Variants in ZNF83 observed in about 807,000 individuals in gnomAD.
The protein encoded by ZNF83 is zinc finger protein 816B.
For missense variants in ZNF83, 552 were observed against 629.9 expected, an observed-to-expected ratio of 0.88 and a Z score of 1.32; for synonymous variants, 209 against 213.0, an observed-to-expected ratio of 0.98 and a Z score of 0.17.
In ZNF83 at chr19:52,622,340, G is replaced by T. The variant is rs555601280; in HGVS notation, c.-233-7543C>A. On this transcript the variant is annotated intron_variant, in intron 2 of 2. Transcript: ENST00000301096. ...CCACTAAATATATACAGGAATTCCA[G>T]TATTTAATCCAATACTACAACTTAA... Among the ~76,000 whole-genome samples, 3 of 152,256 alleles carry T rather than the reference G, an allele frequency of 2.0e-5. No homozygotes were observed. In the East Asian group the frequency reaches 5.8e-4, roughly 29 times the overall value.
chr19:52,630,255 T>G (rs1299684989), intron 2 of ZNF83, among the ~76,000 whole-genome samples: 1 of 152,206 alleles, frequency 6.6e-6, no homozygotes, highest in African/African-American at 2.4e-5. Context: ...AGACTGACAC[T>G]GCCCGATCGC....
chr19:52,668,433 A>G (rs1223922269), intron 1 of ZNF83, among the ~76,000 whole-genome samples: 2 of 152,090 alleles, frequency 1.3e-5, no homozygotes, highest in Admixed American at 1.3e-4. Context: ...ATCCATTACT[A>G]TTCCTACCAC....
chr19:52,618,629 T>C (rs1600144160), intron 2 of ZNF83: 2 of 388,474 alleles, frequency 5.1e-6, no homozygotes, highest in Non-Finnish European at 9.1e-6. Context: ...ACTCCTGACC[T>C]GAAGTGATCC....
chr19:52,613,385 T>C, exon 3 of ZNF83: 1 of 1,613,666 alleles, frequency 6.2e-7, no homozygotes, highest in Non-Finnish European at 8.5e-7. Context: ...CCAGTATGGA[T>C]TCTGTGATGT....
chr19:52,653,170 C>T (rs1043268163), intron 3 of ZNF83: 1 of 1,496,118 alleles, frequency 6.7e-7, no homozygotes, highest in African/African-American at 1.4e-5. Flanking sequence ...GGTATGAAGT[C>T]TACGATGGCC....
chr19:52,642,284 T>C (rs2061317506), upstream of ZNF83, among the ~76,000 whole-genome samples: 4 of 142,904 alleles, frequency 2.8e-5, no homozygotes, highest in Admixed American at 2.8e-4. Context: ...TTTTTTTTTT[T>C]TTTTTTGAGA....
intron 1 of ZNF83, among the ~76,000 whole-genome samples, chr19:52,674,853 C>T (rs144479202): frequency 0.012 from 1,795 of 152,256 alleles, 27 homozygotes; most frequent in Middle Eastern, 0.037. Flanking sequence ...TTTAACACAA[C>T]GCCCATACAA....
chr19:52,637,034 G>GTT (rs2061171131), intron 1 of ZNF83: 1 of 151,998 alleles, frequency 6.6e-6, no homozygotes, highest in African/African-American at 2.4e-5. Context: ...TCTAGCTCTT[G>GTT]TTTTCTTTTC....
intron 2 of ZNF83, among the ~76,000 whole-genome samples, chr19:52,620,176 CAGATTTTCAAAATACAAA>C (rs1455061171): frequency 6.6e-6 from 1 of 151,998 alleles, no homozygotes; most frequent in Non-Finnish European, 1.5e-5. Context: ...TCATTTTCCC[CAGATTTTCAAAATACAAA>C]AGATTTTCAA....
At chr19:52,688,966 A>C (rs2062096052) in intron 1 of ZNF83, among the ~76,000 whole-genome samples, 1 of 151,340 alleles carries the variant, frequency 6.6e-6, no homozygotes, top group African/African-American at 2.4e-5. Context: ...AAAAAAAAAA[A>C]AAAAAAGAGA....
At chr19:52,619,816 G>A (rs2060467102) in intron 2 of ZNF83, among the ~76,000 whole-genome samples, 1 of 152,120 alleles carries the variant, frequency 6.6e-6, no homozygotes, top group Non-Finnish European at 1.5e-5. Flanking sequence ...GATCCTGGGA[G>A]GCAGAGGTTG....
chr19:52,665,781 C>G (rs1057233940), intron 1 of ZNF83, among the ~76,000 whole-genome samples: 4 of 152,108 alleles, frequency 2.6e-5, no homozygotes, highest in Non-Finnish European at 4.4e-5. Context: ...GGGCCTCATG[C>G]GTCTGGAGTA....
intron 1 of ZNF83, among the ~76,000 whole-genome samples, chr19:52,673,315 A>T (rs2061751859): frequency 6.6e-6 from 1 of 151,882 alleles, no homozygotes. Flanking sequence ...GACCAGCCTG[A>T]CCAACATGGT....
At chr19:52,661,052 A>T (rs1378706941) in intron 1 of ZNF83, among the ~76,000 whole-genome samples, 2 of 151,966 alleles carry the variant, frequency 1.3e-5, no homozygotes, top group African/African-American at 4.8e-5. Context: ...TTTAGTAGAC[A>T]TGGGGTTTCA....
At chr19:52,688,868 G>A (rs550637093) in intron 1 of ZNF83, among the ~76,000 whole-genome samples, 52 of 150,640 alleles carry the variant, frequency 3.5e-4, no homozygotes, top group African/African-American at 1.2e-3. Flanking sequence ...CATCAAGAAC[G>A]GTTACAGGAT....
At chr19:52,673,447 G>A (rs1249300899) in intron 1 of ZNF83, among the ~76,000 whole-genome samples, 1 of 152,092 alleles carries the variant, frequency 6.6e-6, no homozygotes, top group Non-Finnish European at 1.5e-5. Flanking sequence ...AGGTTGCAGT[G>A]AGCTGAGATC....
intron 1 of ZNF83, among the ~76,000 whole-genome samples, chr19:52,689,391 T>C (rs972066527): frequency 3.3e-4 from 50 of 152,020 alleles, no homozygotes; most frequent in East Asian, 7.7e-4. Context: ...TGTTATACCC[T>C]CATCCCCACT....
rs543833961 is a variant in ZNF83, at chr19:52,628,921, A to G, written c.-234+6145T>C. On this transcript the variant is annotated intron_variant, in intron 2 of 2. Coordinates refer to ENST00000301096, the Ensembl canonical transcript of ZNF83. ...TCCCTTATTTCCATGCCCTGACCTC[A>G]TATCTCTGTGCCCCAACCGCTTTCC... is the stretch of plus-strand genomic sequence containing the variant. Among the ~76,000 whole-genome samples the G allele has an allele frequency of 1.7e-4, 26 of 150,696 alleles. 1 individual carries two copies. In the South Asian group the frequency reaches 5.1e-3, roughly 29 times the overall value.
rs552363304 is a variant in ZNF83, at chr19:52,645,997, T to A, written c.-74+9564A>T. Reference sequence around the variant, plus strand: ...CTCTGCCACCCAGGCTGCAGGGCAGTGGCATGATTTCGGCTCACTGCAACC... The same window carrying A: ...CTCTGCCACCCAGGCTGCAGGGCAGAGGCATGATTTCGGCTCACTGCAACC... On this transcript the variant is annotated intron_variant, in intron 3 of 5. Coordinates refer to the ZNF83 transcript ENST00000594682. Among the ~76,000 whole-genome samples the A allele has an allele frequency of 1.3e-4, 20 of 151,454 alleles. No homozygotes were observed. In the South Asian group the frequency reaches 4.2e-3, roughly 32 times the overall value.
Sources: gnomAD v4.1 joint callset for allele counts (sites outside exome capture counted in the v4.1 genomes callset) on GRCh38, gnomAD v4.1.1 for gene constraint, MANE v1.5 for transcripts, NCBI Gene and HGNC (gene_info 2026-07-23, HGNC 2026-07-21) for gene names.